Variants in SH3BP4 observed in about 807,000 individuals in gnomAD.
SH3BP4 encodes the protein SH3 domain binding protein 4, also known as SH3 domain-binding protein 4.
In SH3BP4, 33 loss-of-function variants were observed where a neutral mutation model predicts 65.5. The observed-to-expected ratio is 0.50, with a 90% CI of 0.38 to 0.67. The LOEUF (loss-of-function observed/expected upper bound fraction) is 0.67. Among genes scored for constraint, SH3BP4 ranks in the 30% least tolerant of loss-of-function variants. SH3BP4 has a pLI of 0.00. For synonymous variants in SH3BP4, 552 were observed against 545.5 expected, an observed-to-expected ratio of 1.01 and a Z score of -0.17; for missense variants, 1,134 against 1,261.4, an observed-to-expected ratio of 0.90 and a Z score of 1.53.
intron 2 of SH3BP4, among the ~76,000 whole-genome samples, chr2:234,999,744 A>G (rs993128060): frequency 1.3e-5 from 2 of 152,256 alleles, no homozygotes; most frequent in African/African-American, 4.8e-5. Flanking sequence ...AAAACAGGGC[A>G]GGATTATTGG....
intron 1 of SH3BP4, among the ~76,000 whole-genome samples, chr2:234,964,903 T>C (rs890652): frequency 0.092 from 14,053 of 152,120 alleles, 759 homozygotes; most frequent in East Asian, 0.23. Context: ...CATCGACGCC[T>C]GGCAGGGAGG....
chr2:235,005,552 C>G (rs1303811292), intron 2 of SH3BP4, among the ~76,000 whole-genome samples: 2 of 151,810 alleles, frequency 1.3e-5, no homozygotes, highest in African/African-American at 4.8e-5. Flanking sequence ...AGGCCCAGAA[C>G]CTGCATTTTA....
chr2:234,984,958 G>A (rs987712108), intron 1 of SH3BP4, among the ~76,000 whole-genome samples: 31 of 152,160 alleles, frequency 2.0e-4, no homozygotes, highest in Admixed American at 1.9e-3. Context: ...TGCTGGAGAC[G>A]CATTTGAGGA....
chr2:235,022,369 C>A (rs927186887), intron 2 of SH3BP4, among the ~76,000 whole-genome samples: 5 of 152,060 alleles, frequency 3.3e-5, no homozygotes, highest in Non-Finnish European at 5.9e-5. Flanking sequence ...GCCTGGCCAA[C>A]ATGGTGAAAA....
intron 2 of SH3BP4, among the ~76,000 whole-genome samples, chr2:235,025,676 A>G (rs1207384809): frequency 6.6e-6 from 1 of 152,234 alleles, no homozygotes; most frequent in Non-Finnish European, 1.5e-5. Flanking sequence ...TTAGGGAACT[A>G]AGAAAAAATA....
chr2:234,964,395 G>A (rs1309848886), intron 1 of SH3BP4, among the ~76,000 whole-genome samples: 1 of 152,168 alleles, frequency 6.6e-6, no homozygotes, highest in African/African-American at 2.4e-5. Context: ...TCACTGCTGA[G>A]CCCCTCTGCA....
chr2:234,976,463 C>A lies in SH3BP4; in HGVS notation c.-206-18840C>A, dbSNP rs1362719695. Among the ~76,000 whole-genome samples, 2 of 152,116 alleles carry A rather than the reference C, an allele frequency of 1.3e-5. No individual in the cohort carries two copies. Among genetic ancestry groups the A allele is most frequent in the Non-Finnish European group, 2.9e-5 (2 of 68,032 alleles). ...GTGTACCAGGTTAAGGTCTCTCTTG[C>A]ATTTTGTGGGTGGCTGCCTGCAGTT... On this transcript the variant is annotated intron_variant, in intron 1 of 5. Transcript: ENST00000392011. This position sits in a 1 kb window ranked among gnomAD's most constrained non-coding sequence, Gnocchi z 4.7.
At chr2:234,987,618 C>T (rs998436520) in intron 1 of SH3BP4, among the ~76,000 whole-genome samples, 6 of 152,132 alleles carry the variant, frequency 3.9e-5, no homozygotes, top group Admixed American at 1.3e-4. Flanking sequence ...GAGAGAGTTC[C>T]GAGGTCAGAA....
intron 2 of SH3BP4, among the ~76,000 whole-genome samples, chr2:235,027,385 G>T (rs1008820717): frequency 1.3e-5 from 2 of 151,158 alleles, no homozygotes; most frequent in East Asian, 2.0e-4. Flanking sequence ...TAGCAACGGG[G>T]TCCAAAGCTC....
intron 2 of SH3BP4, among the ~76,000 whole-genome samples, chr2:235,010,211 A>G (rs1694434605): frequency 6.6e-6 from 1 of 152,042 alleles, no homozygotes; most frequent in African/African-American, 2.4e-5. Context: ...GTATACCTTC[A>G]TGCACCAGAA....
Position 234,991,146 on chromosome 2 carries a change from G to T in SH3BP4, c.-206-4157G>T, listed in dbSNP as rs776629717. Among the ~76,000 whole-genome samples, 18 of 152,172 alleles carry T rather than the reference G, an allele frequency of 1.2e-4. No individual in the cohort carries two copies. Among genetic ancestry groups the T allele is most frequent in the Non-Finnish European group, 2.1e-4 (14 of 68,034 alleles). On this transcript the variant is annotated intron_variant, in intron 1 of 5. Transcript: ENST00000392011. This position sits in a 1 kb window ranked among gnomAD's most constrained non-coding sequence, Gnocchi z 4.2. ...TCCATCTATACCATTGGGAAATGGG[G>T]TGAATAGCTGTCTTGGTGACTGTCC...
chr2:235,005,123 G>A (rs1236845216), intron 2 of SH3BP4, among the ~76,000 whole-genome samples: 9 of 152,210 alleles, frequency 5.9e-5, no homozygotes, highest in Non-Finnish European at 1.5e-5. Flanking sequence ...GAGCAGGATA[G>A]TCAACAACAG....
At position 235,026,701 on chromosome 2, in the gene SH3BP4, C is replaced by T. The variant is rs910765149; in HGVS notation, c.-132-8170C>T. On this transcript the variant is annotated intron_variant, in intron 2 of 5. Transcript: ENST00000392011. This position sits in a 1 kb window ranked among gnomAD's most constrained non-coding sequence, Gnocchi z 4.6. ...CACCTTTCTCAAACTCAGACTGGAA[C>T]GTGTGGTCCTGCCCTCGTTCCTCAT... Among the ~76,000 whole-genome samples, 3 of 152,184 alleles carry T rather than the reference C, an allele frequency of 2.0e-5. No homozygotes were observed. Among genetic ancestry groups the T allele is most frequent in the East Asian group, 1.9e-4 (1 of 5,182 alleles).
intron 4 of SH3BP4, among the ~76,000 whole-genome samples, chr2:235,051,291 C>G (rs746652683): frequency 5.3e-5 from 8 of 152,182 alleles, no homozygotes; most frequent in Non-Finnish European, 1.2e-4. Flanking sequence ...GACTAGCAGG[C>G]CTGCTGTCTT....
At position 234,974,387 on chromosome 2, in the gene SH3BP4, G is replaced by A. The variant is rs1559228290; in HGVS notation, c.-206-20916G>A. 6.6e-6 allele frequency among the ~76,000 whole-genome samples: 1 copy of A among 152,044 alleles called. No individual in the cohort carries two copies. The highest frequency in any genetic ancestry group is 1.5e-5 in the Non-Finnish European group (1 of 68,016). Reference sequence around the variant, plus strand: ...TAAAAAAAAATAAATAAATAAAAGAGAAAGAGAGATTTGTGAAGGTCATGA... The same window carrying A: ...TAAAAAAAAATAAATAAATAAAAGAAAAAGAGAGATTTGTGAAGGTCATGA... On this transcript the variant is annotated intron_variant, in intron 1 of 5. Coordinates refer to ENST00000392011, the MANE Select transcript of SH3BP4 (RefSeq NM_014521.3). This position sits in a 1 kb window ranked among gnomAD's most constrained non-coding sequence, Gnocchi z 4.6.
chr2:234,957,218 C>T (rs1692607846), intron 1 of SH3BP4, among the ~76,000 whole-genome samples: 1 of 151,472 alleles, frequency 6.6e-6, no homozygotes, highest in Admixed American at 6.6e-5. Flanking sequence ...CCGGCTTCCC[C>T]ATGTTGGCTA....
In SH3BP4 at chr2:234,974,418, A is replaced by C. The variant is rs1021254994; in HGVS notation, c.-206-20885A>C. 6.6e-6 allele frequency among the ~76,000 whole-genome samples: 1 copy of C among 152,216 alleles called. No homozygotes were observed. Among genetic ancestry groups the C allele is most frequent in the Non-Finnish European group, 1.5e-5 (1 of 68,040 alleles). ...GAGATTTGTGAAGGTCATGAGTTCC[A>C]GCCCATTTCACTGCTCCATAAAATG... On this transcript the variant is annotated intron_variant, in intron 1 of 5. Coordinates refer to ENST00000392011, the MANE Select transcript of SH3BP4 (RefSeq NM_014521.3). The surrounding 1 kb of genome is among the most constrained non-coding windows in gnomAD (Gnocchi z 4.6).
chr2:234,966,337 C>T (rs904855934), intron 1 of SH3BP4, among the ~76,000 whole-genome samples: 1 of 152,132 alleles, frequency 6.6e-6, no homozygotes. Context: ...CCATTGCACT[C>T]CAGCCTGGGC....
At chr2:235,006,731 C>A (rs908135929) in intron 2 of SH3BP4, among the ~76,000 whole-genome samples, 3 of 152,180 alleles carry the variant, frequency 2.0e-5, no homozygotes, top group African/African-American at 7.2e-5. Flanking sequence ...ATGGAAGCGT[C>A]CGTCTGTACT....
Sources: gnomAD v4.1 joint callset for allele counts (sites outside exome capture counted in the v4.1 genomes callset) on GRCh38, gnomAD v4.1.1 for gene constraint, Gnocchi (gnomAD v3.1) non-coding constraint, MANE v1.5 for transcripts, NCBI Gene and HGNC (gene_info 2026-07-23, HGNC 2026-07-21) for gene names.